The following RB1 variants were observed in gnomAD, a reference collection of about 807,000 sequenced individuals.
RB1 encodes the protein retinoblastoma-associated protein.
Under a neutral mutation model 135.4 loss-of-function variants are expected in RB1, and 18 were observed. The observed-to-expected ratio is 0.13, with a 90% CI of 0.09 to 0.20. RB1 has a LOEUF of 0.20. RB1 is among the 10% of genes least tolerant of loss of function. The pLI is 1.00. For synonymous variants in RB1, 365 were observed against 373.2 expected (o/e 0.98, Z 0.25); for missense variants, 868 against 1,110.0 (o/e 0.78, Z 3.10).
chr13:48,436,417 C>T (rs545691884), intron 17 of RB1, among the ~76,000 whole-genome samples: 68 of 152,168 alleles, frequency 4.5e-4, no homozygotes, highest in Admixed American at 2.7e-3. Context: ...CCAAGGCAGG[C>T]GGATCACCTG....
At position 48,367,362 on chromosome 13, in the gene RB1, A is replaced by T. The variant is rs1378285443; in HGVS notation, c.940-132A>T. 9 of 931,178 alleles carry T rather than the reference A, an allele frequency of 9.7e-6. No homozygotes were observed. The East Asian group carries it at 2.4e-4, about 24-fold the overall frequency. The allele number at this position is 931,178 out of a possible 1,614,324, so 57.7% of individuals were successfully genotyped here. A position where few individuals can be genotyped will look rare whatever the true frequency, so the allele number is the denominator to read the frequency against. On this transcript the variant is annotated intron_variant, in intron 9 of 26. Transcript: ENST00000267163. ...TTTAGATAGACCTTATTTATATTGC[A>T]TGCGAACTCAGTGTATATTACAAAA...
At chr13:48,457,644 T>A (rs1949369081) in intron 19 of RB1, among the ~76,000 whole-genome samples, 1 of 152,222 alleles carries the variant, frequency 6.6e-6, no homozygotes, top group African/African-American at 2.4e-5. Flanking sequence ...AAGGGGCACC[T>A]GTAGGCCAGT....
chr13:48,416,070 T>G (rs1948903824), intron 17 of RB1, among the ~76,000 whole-genome samples: 1 of 152,228 alleles, frequency 6.6e-6, no homozygotes, highest in Admixed American at 6.5e-5. Flanking sequence ...AACTTAACTC[T>G]GAGAATCAAC....
intron 9 of RB1, 150 bp from the exon 10 acceptor site, chr13:48,367,344 A>T: frequency 2.6e-6 from 2 of 776,956 alleles, no homozygotes; most frequent in Non-Finnish European, 3.8e-6. Context: ...ACTTTTAGAT[A>T]GACCTTATTT....
intron 6 of RB1, among the ~76,000 whole-genome samples, chr13:48,357,881 G>A (rs1394903527): frequency 6.6e-6 from 1 of 152,098 alleles, no homozygotes; most frequent in Non-Finnish European, 1.5e-5. Flanking sequence ...TTACGTGCTA[G>A]GTTAAAGTGG....
chr13:48,347,105 A>G (rs1323804447), intron 4 of RB1, among the ~76,000 whole-genome samples: 3 of 151,908 alleles, frequency 2.0e-5, no homozygotes, highest in Non-Finnish European at 4.4e-5. Flanking sequence ...CTGCTTGGAT[A>G]TTTGTTTCTG....
At chr13:48,312,797 G>T (rs957811604) in intron 2 of RB1, among the ~76,000 whole-genome samples, 1 of 151,996 alleles carries the variant, frequency 6.6e-6, no homozygotes, top group African/African-American at 2.4e-5. Context: ...CATTTTTTAT[G>T]CATGTTTTAG....
chr13:48,481,778 C>T lies in RB1; in HGVS notation c.*1707C>T, dbSNP rs755984043. The T allele has an allele frequency of 4.4e-5, 10 of 227,986 alleles. No individual in the cohort carries two copies. The highest frequency in any genetic ancestry group is 3.5e-5 in the Non-Finnish European group (4 of 114,760). The allele number at this position is 227,986 out of a possible 1,614,324, so 14.1% of individuals were successfully genotyped here. On this transcript the variant is annotated 3_prime_UTR_variant, in exon 27 of 27. Transcript: ENST00000267163. ...TTAAATAATGCTTCAGATATTATTG[C>T]TTTATTGCTTTTTTGTATTGGTTAA...
chr13:48,345,226 C>T (rs1566186927), intron 4 of RB1, 27 bp downstream of exon 4: 5 of 1,600,184 alleles, frequency 3.1e-6, no homozygotes, highest in Non-Finnish European at 3.4e-6. Context: ...ATTAGGTTTA[C>T]ACTCTGATTT....
intron 2 of RB1, chr13:48,318,330 T>C (rs1952203745): frequency 7.3e-7 from 1 of 1,372,080 alleles, no homozygotes; most frequent in African/African-American, 1.5e-5. Flanking sequence ...GAACCTGACC[T>C]TCCTGCACGC....
chr13:48,443,670 T>C (rs1265927502), intron 17 of RB1, among the ~76,000 whole-genome samples: 1 of 152,224 alleles, frequency 6.6e-6, no homozygotes, highest in Non-Finnish European at 1.5e-5. Context: ...GCTTTTATTG[T>C]CAGTTTAGTG....
At chr13:48,414,574 A>G (rs1948876150) in intron 17 of RB1, among the ~76,000 whole-genome samples, 1 of 152,156 alleles carries the variant, frequency 6.6e-6, no homozygotes, top group Admixed American at 6.5e-5. Context: ...GTTTAAGCTG[A>G]AACTCTTCCT....
chr13:48,359,444 ATAAT>A lies in RB1; in HGVS notation c.608-570_608-567del, dbSNP rs1187165107. Among the ~76,000 whole-genome samples the A allele has an allele frequency of 2.0e-5, 3 of 148,952 alleles. No homozygotes were observed. In the East Asian group the frequency reaches 5.9e-4, roughly 29 times the overall value. ...ATAAAATCATAATTTTATAAATAAA[ATAAT>A]TATTTTAAATTTTTAGATAATGAGA... On this transcript the variant is annotated intron_variant, in intron 6 of 26. Transcript: ENST00000267163.
At position 48,360,321 on chromosome 13, in the gene RB1, A is replaced by G. The variant is rs528047822; in HGVS notation, c.718+194A>G. The G allele has an allele frequency of 9.3e-5, 118 of 1,268,274 alleles. No homozygotes were observed. The African/African-American group carries it at 1.7e-3, about 18-fold the overall frequency. The allele number at this position is 1,268,274 out of a possible 1,614,324, so 78.6% of individuals were successfully genotyped here. ...AACAAATGATTAGAGTATATGGTAGAAAGTGGTTTGGGTCAAAATACAACA... is the reference window on the plus strand; with the variant it reads ...AACAAATGATTAGAGTATATGGTAGGAAGTGGTTTGGGTCAAAATACAACA... On this transcript the variant is annotated intron_variant, in intron 7 of 26. Coordinates refer to ENST00000267163, the MANE Select transcript of RB1 (RefSeq NM_000321.3).
Position 48,364,965 on chromosome 13 carries a change from T to C in RB1, c.933T>C (p.Leu311=). ...NSLGLVTSNG[L]PEVENLSKRY... ...TTGGACTTGTAACATCTAATGGACT[T>C]CCAGAGGTAATCTGAAAGGAAATTT... Residue 311 remains leucine, a synonymous_variant, in exon 9 of 27, where the codon CTT becomes CTC. Transcript: ENST00000267163. 6.4e-7 allele frequency: 1 copy of C among 1,570,668 alleles called. No individual in the cohort carries two copies. Among genetic ancestry groups the C allele is most frequent in the Non-Finnish European group, 8.7e-7 (1 of 1,154,034 alleles).
At chr13:48,317,520 T>C in intron 2 of RB1, 1 of 442,902 alleles carries the variant, frequency 2.3e-6, no homozygotes, top group South Asian at 2.1e-5. Flanking sequence ...CCCCAGCACC[T>C]CCGGCCTCGG....
chr13:48,480,712 A>G lies in RB1; in HGVS notation c.*641A>G. 4.4e-6 allele frequency: 1 copy of G among 227,508 alleles called. No individual in the cohort carries two copies. The highest frequency in any genetic ancestry group is 8.7e-6 in the Non-Finnish European group (1 of 114,334). The allele number at this position is 227,508 out of a possible 1,614,324, so 14.1% of individuals were successfully genotyped here. On this transcript the variant is annotated 3_prime_UTR_variant, in exon 27 of 27. Coordinates refer to ENST00000267163, the MANE Select transcript of RB1 (RefSeq NM_000321.3). ...TTTTAATTAAATAAAAGCTGGAAGC[A>G]AAGTATAACCATATGATACTATCAT...
chr13:48,466,470 G>GA (rs1330534677), intron 23 of RB1, among the ~76,000 whole-genome samples: 1 of 148,370 alleles, frequency 6.7e-6, no homozygotes. Flanking sequence ...AAACAGAACA[G>GA]AAAAACTGGA....
intron 6 of RB1, among the ~76,000 whole-genome samples, chr13:48,351,865 G>A (rs1202617478): frequency 6.6e-6 from 1 of 151,936 alleles, no homozygotes; most frequent in African/African-American, 2.4e-5. Context: ...CTAGAGATGG[G>A]GTTTTACTAT....
Sources: gnomAD v4.1 joint callset for allele counts (sites outside exome capture counted in the v4.1 genomes callset) on GRCh38, gnomAD v4.1.1 for gene constraint, MANE v1.5 for transcripts, NCBI Gene and HGNC (gene_info 2026-07-23, HGNC 2026-07-21) for gene names.